SHISA6: variants seen among roughly 807,000 people sequenced by gnomAD.
SHISA6 encodes protein shisa-6.
SHISA6 carries 22 observed loss-of-function variants against 47.9 expected under a neutral mutation model. The ratio of observed to expected loss-of-function variants is 0.46; its 90% CI spans 0.33 to 0.66. The LOEUF is 0.66. SHISA6 is among the 30% of genes least tolerant of loss of function. The pLI, the probability that SHISA6 is intolerant of heterozygous loss-of-function variation, is 0.02. For synonymous variants in SHISA6, 388 were observed against 337.8 expected, an observed-to-expected ratio of 1.15 and a Z score of -1.63; for missense variants, 680 against 764.6, an observed-to-expected ratio of 0.89 and a Z score of 1.30.
intron 2 of SHISA6, among the ~76,000 whole-genome samples, chr17:11,371,629 A>G (rs1193507498): frequency 6.6e-6 from 1 of 152,112 alleles, no homozygotes; most frequent in African/African-American, 2.4e-5. Context: ...TCATTTACAC[A>G]TGGAAAAGTG....
At chr17:11,304,017 C>T (rs957291980) in intron 2 of SHISA6, among the ~76,000 whole-genome samples, 1 of 152,188 alleles carries the variant, frequency 6.6e-6, no homozygotes. Context: ...CCCCAGGCCT[C>T]ACTGTTTCTG....
chr17:11,362,469 T>C (rs1912321195), intron 2 of SHISA6, among the ~76,000 whole-genome samples: 1 of 152,206 alleles, frequency 6.6e-6, no homozygotes, highest in Admixed American at 6.5e-5. Context: ...GTAATCTCTG[T>C]CGACCTGCTT....
chr17:11,402,728 A>T (rs976781002), intron 3 of SHISA6, among the ~76,000 whole-genome samples: 4 of 152,240 alleles, frequency 2.6e-5, no homozygotes, highest in Admixed American at 6.5e-5. Flanking sequence ...ATATTCTTTC[A>T]TGCACTGGGA....
chr17:11,472,266 A>G (rs1915952325), intron 3 of SHISA6, among the ~76,000 whole-genome samples: 1 of 152,088 alleles, frequency 6.6e-6, no homozygotes, highest in South Asian at 2.1e-4. Flanking sequence ...GCACAATCAT[A>G]GCTTACCACG....
intron 3 of SHISA6, among the ~76,000 whole-genome samples, chr17:11,506,387 GA>G (rs2071499143): frequency 6.6e-6 from 1 of 152,204 alleles, no homozygotes; most frequent in Non-Finnish European, 1.5e-5. Context: ...CAGGTTGAAT[GA>G]CCCTGGGTAT....
At chr17:11,339,708 G>T (rs1305699381) in intron 2 of SHISA6, among the ~76,000 whole-genome samples, 1 of 152,174 alleles carries the variant, frequency 6.6e-6, no homozygotes, top group Non-Finnish European at 1.5e-5. Context: ...GGAATTAAGG[G>T]TTCATGTGTA....
At chr17:11,401,556 C>T (rs921844855) in intron 3 of SHISA6, among the ~76,000 whole-genome samples, 7 of 152,106 alleles carry the variant, frequency 4.6e-5, no homozygotes, top group African/African-American at 9.7e-5. Context: ...TGAGAGAGTT[C>T]GGAAGAAGTC....
At chr17:11,422,114 G>A (rs946357238) in intron 3 of SHISA6, among the ~76,000 whole-genome samples, 1 of 152,166 alleles carries the variant, frequency 6.6e-6, no homozygotes, top group Non-Finnish European at 1.5e-5. Flanking sequence ...TGGGAAGCCA[G>A]ATCCCAGGAT....
rs574805453 is a variant in SHISA6, at chr17:11,555,759, C to T, written c.972C>T (p.Asn324=). Residue 324 remains asparagine (N), a synonymous_variant, in exon 5 of 6, where the codon AAC becomes AAT. Coordinates refer to ENST00000441885, the MANE Select transcript of SHISA6 (RefSeq NM_207386.4). ...TTGCAGAGAAGCCACGGATGAACAA[C>T]ATCCTGACATCAGCCACCGAGCCCT... ...IPPHEKPRMN[N]ILTSATEPYD... is the part of the protein sequence containing the mutation. The T allele has an allele frequency of 7.1e-6, 11 of 1,547,562 alleles. No homozygotes were observed. In the Admixed American group the frequency reaches 2.0e-4, roughly 28 times the overall value.
At chr17:11,418,059 C>T (rs1262228370) in intron 3 of SHISA6, among the ~76,000 whole-genome samples, 1 of 152,174 alleles carries the variant, frequency 6.6e-6, no homozygotes, top group Non-Finnish European at 1.5e-5. Flanking sequence ...GTGTTCTTCC[C>T]TAACCCTCAA....
chr17:11,275,938 T>A (rs1004403907), intron 2 of SHISA6, among the ~76,000 whole-genome samples: 15 of 152,094 alleles, frequency 9.9e-5, no homozygotes, highest in African/African-American at 3.6e-4. Flanking sequence ...GTTTTCATAA[T>A]CACTCTGGCC....
At chr17:11,437,080 C>G (rs1160036294) in intron 3 of SHISA6, among the ~76,000 whole-genome samples, 2 of 152,056 alleles carry the variant, frequency 1.3e-5, no homozygotes, top group Non-Finnish European at 2.9e-5. Context: ...GAATGAGGGA[C>G]AGGGAGATGC....
intron 3 of SHISA6, among the ~76,000 whole-genome samples, chr17:11,515,405 T>C (rs1176608224): frequency 2.0e-5 from 3 of 151,598 alleles, no homozygotes; most frequent in East Asian, 3.9e-4. Context: ...ACTTTACTTA[T>C]TGGATCCCCT....
chr17:11,385,765 C>T (rs1347234486), intron 3 of SHISA6, among the ~76,000 whole-genome samples: 1 of 151,990 alleles, frequency 6.6e-6, no homozygotes, highest in African/African-American at 2.4e-5. Flanking sequence ...GAGGAGGGAC[C>T]TACAGAAAAG....
At chr17:11,543,489 C>T (rs1326156553) in intron 3 of SHISA6, among the ~76,000 whole-genome samples, 1 of 152,074 alleles carries the variant, frequency 6.6e-6, no homozygotes, top group African/African-American at 2.4e-5. Flanking sequence ...ATACATGCCA[C>T]GTTTAGGGAT....
chr17:11,271,352 A>C (rs72822794), intron 2 of SHISA6, among the ~76,000 whole-genome samples: 2,391 of 152,252 alleles, frequency 0.016, 30 homozygotes, highest in Middle Eastern at 0.041. Flanking sequence ...CATCACTGGG[A>C]GGGATGGTCA....
chr17:11,358,146 C>T (rs1001872803), intron 2 of SHISA6, among the ~76,000 whole-genome samples: 2 of 152,128 alleles, frequency 1.3e-5, no homozygotes, highest in African/African-American at 4.8e-5. Context: ...ACTTATTTAT[C>T]TTTTAAAACT....
At chr17:11,476,435 A>C (rs62062154) in intron 3 of SHISA6, among the ~76,000 whole-genome samples, 9,920 of 152,062 alleles carry the variant, frequency 0.065, 391 homozygotes, top group Non-Finnish European at 0.089. Context: ...CTTCCCTCTA[A>C]GTACTGCTTT....
chr17:11,373,959 A>G (rs762737674), intron 2 of SHISA6, among the ~76,000 whole-genome samples: 3 of 152,078 alleles, frequency 2.0e-5, no homozygotes, highest in Non-Finnish European at 4.4e-5. Context: ...TCCACATTCA[A>G]CTTTATTAGC....
Sources: allele counts gnomAD v4.1 joint callset (sites outside exome capture counted in the v4.1 genomes callset), GRCh38; gene constraint gnomAD v4.1.1; transcripts MANE v1.5; gene names NCBI Gene and HGNC (gene_info 2026-07-23, HGNC 2026-07-21).